CDH13: variants seen among roughly 807,000 people sequenced by gnomAD.
The protein encoded by CDH13 is cadherin-13.
CDH13 carries 24 observed loss-of-function variants against 63.8 expected under a neutral mutation model. The ratio of observed to expected loss-of-function variants is 0.38; its 90% CI spans 0.27 to 0.53. The LOEUF (loss-of-function observed/expected upper bound fraction) is 0.53. CDH13 is among the 20% of genes least tolerant of loss of function. The pLI is 0.85. For missense variants in CDH13, 1,049 were observed against 903.1 expected (o/e 1.16, Z -2.07); for synonymous variants, 503 against 355.3 (o/e 1.42, Z -4.67).
intron 1 of CDH13, among the ~76,000 whole-genome samples, chr16:82,778,579 A>AAAAC (rs2035606141): frequency 6.6e-6 from 1 of 150,900 alleles, no homozygotes; most frequent in Admixed American, 6.6e-5. Context: ...AGAAAAAAAA[A>AAAAC]AAAAAAAAAA....
rs1047633521 is a variant in CDH13 at position 82,903,346 on chromosome 16, C to G, written c.157+44873C>G. On this transcript the variant is annotated intron_variant, in intron 2 of 13. Transcript: ENST00000567109. ...ACCATGCCATCTACCTGCACCTGTCCTCTTTGGAGGCTGGGTTGGTGTTTG... is the reference window on the plus strand; with the variant it reads ...ACCATGCCATCTACCTGCACCTGTCGTCTTTGGAGGCTGGGTTGGTGTTTG... 2.6e-5 allele frequency among the ~76,000 whole-genome samples: 4 copies of G among 152,322 alleles called. No individual in the cohort carries two copies. The East Asian group carries it at 5.8e-4, about 22-fold the overall frequency.
At chr16:83,302,860 A>T (rs2151877935) in intron 5 of CDH13, among the ~76,000 whole-genome samples, 1 of 152,342 alleles carries the variant, frequency 6.6e-6, no homozygotes, top group Non-Finnish European at 1.5e-5. Context: ...ACTCAGACTG[A>T]TCTAAACTTC....
chr16:83,422,894 T>C (rs188978305), intron 6 of CDH13, among the ~76,000 whole-genome samples: 263 of 152,296 alleles, frequency 1.7e-3, no homozygotes, highest in Non-Finnish European at 2.6e-3. Context: ...ATGATGATCA[T>C]GATAAAGGAG....
At chr16:82,897,892 C>T (rs1250174938) in intron 2 of CDH13, among the ~76,000 whole-genome samples, 1 of 152,188 alleles carries the variant, frequency 6.6e-6, no homozygotes, top group African/African-American at 2.4e-5. Context: ...AGTCGGCAAA[C>T]ATTTATCAAA....
chr16:83,440,427 T>C (rs2072446528), intron 6 of CDH13, among the ~76,000 whole-genome samples: 1 of 152,012 alleles, frequency 6.6e-6, no homozygotes, highest in Non-Finnish European at 1.5e-5. Context: ...CACTGTGGAA[T>C]GGGAACTGAA....
chr16:83,691,227 C>G (rs945340905), intron 10 of CDH13, among the ~76,000 whole-genome samples: 1 of 152,044 alleles, frequency 6.6e-6, no homozygotes, highest in Admixed American at 6.6e-5. Context: ...GGAGAAGTGG[C>G]AAAGTAACTT....
At chr16:83,512,872 C>A (rs1191871250) in intron 7 of CDH13, among the ~76,000 whole-genome samples, 1 of 151,858 alleles carries the variant, frequency 6.6e-6, no homozygotes, top group Non-Finnish European at 1.5e-5. Flanking sequence ...GAGGTGGCAC[C>A]CAATAACCTG....
intron 1 of CDH13, among the ~76,000 whole-genome samples, chr16:82,835,655 C>G (rs181895665): frequency 3.3e-5 from 5 of 152,186 alleles, no homozygotes; most frequent in African/African-American, 1.2e-4. Context: ...AATGCTCTGT[C>G]CCTCCACAGG....
chr16:83,458,317 T>A (rs2073078622), intron 6 of CDH13, among the ~76,000 whole-genome samples: 1 of 152,190 alleles, frequency 6.6e-6, no homozygotes, highest in Non-Finnish European at 1.5e-5. Context: ...AAGTCATTCT[T>A]GTAGCAAAAT....
chr16:82,769,550 T>A (rs1308571158), intron 1 of CDH13, among the ~76,000 whole-genome samples: 4 of 152,202 alleles, frequency 2.6e-5, no homozygotes, highest in Non-Finnish European at 5.9e-5. Context: ...AAGAGGACAT[T>A]AGTGGCCATT....
At chr16:83,571,139 T>G (rs1904584239) in intron 7 of CDH13, among the ~76,000 whole-genome samples, 1 of 151,840 alleles carries the variant, frequency 6.6e-6, no homozygotes. Context: ...CCTTTTCACT[T>G]TATTTCATTA....
chr16:83,108,734 G>A (rs10153218), intron 3 of CDH13, among the ~76,000 whole-genome samples: 17,588 of 152,174 alleles, frequency 0.12, 1,286 homozygotes, highest in African/African-American at 0.21. Context: ...GTATCACTTA[G>A]GCTTTGCAGT....
chr16:83,734,512 C>G (rs149190806), intron 10 of CDH13, among the ~76,000 whole-genome samples: 108 of 148,946 alleles, frequency 7.3e-4, no homozygotes, highest in African/African-American at 2.4e-3. Context: ...TGTTCTCACT[C>G]ATAGATGGGA....
chr16:83,036,147 T>C (rs911920267), intron 3 of CDH13, among the ~76,000 whole-genome samples: 1 of 146,024 alleles, frequency 6.8e-6, no homozygotes, highest in African/African-American at 2.5e-5. Context: ...TCTCCTCTTT[T>C]TTTTTTTTTT....
At chr16:82,818,332 A>T (rs988503027) in intron 1 of CDH13, among the ~76,000 whole-genome samples, 13 of 152,166 alleles carry the variant, frequency 8.5e-5, no homozygotes, top group Non-Finnish European at 1.8e-4. Flanking sequence ...TAAGGACTAA[A>T]AGATAAAAAA....
chr16:83,200,026 GCTGGGCCAGATTTAAGCAGAGATCC>G (rs1301079188), intron 4 of CDH13, among the ~76,000 whole-genome samples: 1 of 152,146 alleles, frequency 6.6e-6, no homozygotes, highest in East Asian at 1.9e-4. Flanking sequence ...GGAGACAGTG[GCTGGGCCAGATTTAAGCAGAGATCC>G]CTGGACAGCG....
chr16:82,989,737 A>G (rs913838252), intron 2 of CDH13, among the ~76,000 whole-genome samples: 13 of 152,014 alleles, frequency 8.6e-5, no homozygotes, highest in African/African-American at 3.1e-4. Flanking sequence ...AGCTTAACCC[A>G]CCTATACAGA....
At chr16:83,181,734 A>G (rs2038353681) in intron 4 of CDH13, among the ~76,000 whole-genome samples, 1 of 152,020 alleles carries the variant, frequency 6.6e-6, no homozygotes, top group African/African-American at 2.4e-5. Context: ...CCCTGGATGG[A>G]CTTGAGGGAG....
chr16:83,785,318 C>T (rs1283212149), intron 13 of CDH13, among the ~76,000 whole-genome samples: 3 of 152,144 alleles, frequency 2.0e-5, no homozygotes, highest in South Asian at 2.1e-4. Context: ...TCACATATGG[C>T]GCCTTCTCCC....
Sources: allele counts gnomAD v4.1 joint callset (sites outside exome capture counted in the v4.1 genomes callset), GRCh38; gene constraint gnomAD v4.1.1; transcripts MANE v1.5; gene names NCBI Gene and HGNC (gene_info 2026-07-23, HGNC 2026-07-21).